The following BRCA1 variants were observed in gnomAD, a reference collection of about 807,000 sequenced individuals.
BRCA1 encodes BRCA1 DNA repair associated.
Under a neutral mutation model 173.7 loss-of-function variants are expected in BRCA1, and 140 were observed. The observed-to-expected ratio is 0.81, with a 90% CI of 0.70 to 0.93. The LOEUF (loss-of-function observed/expected upper bound fraction) is 0.93, where lower values mean the gene tolerates loss of function less well. Ranked by LOEUF, BRCA1 falls within the 40% of genes least tolerant of loss-of-function variation. The pLI, the probability that BRCA1 is intolerant of heterozygous loss-of-function variation, is 0.00. For synonymous variants in BRCA1, 662 were observed against 756.0 expected (o/e 0.88, Z 2.04); for missense variants, 1,983 against 2,172.5 (o/e 0.91, Z 1.73).
intron 1 of BRCA1, chr17:43,138,765 C>T: frequency 1.3e-6 from 1 of 779,074 alleles, no homozygotes; most frequent in Non-Finnish European, 2.4e-6. Context: ...AGAAGTCATC[C>T]TTTCCTCCCC....
chr17:43,061,820 A>C (rs558167701), intron 18 of BRCA1, among the ~76,000 whole-genome samples: 1 of 152,054 alleles, frequency 6.6e-6, no homozygotes, highest in East Asian at 1.9e-4. Flanking sequence ...CCTGACCTCA[A>C]GTGATCCACC....
rs80357303 is a variant in BRCA1, at chr17:43,071,113, T to G, written c.4801A>C (p.Lys1601Gln). The part of the protein sequence containing the change: ...GNIPSSTSAL[K>Q]VPQLKVAESA... The stretch of plus-strand genomic sequence containing the variant: ...TCTGCAACTTTCAATTGGGGAACTT[T>G]CAATGCAGAGGTTGAAGATGGTATG... The change falls in exon 15 of 23, where the codon AAA becomes CAA. Residue 1601 changes from lysine to glutamine, a missense_variant. Coordinates refer to ENST00000357654, the MANE Select transcript of BRCA1 (RefSeq NM_007294.4). 6.2e-7 allele frequency: 1 copy of G among 1,614,220 alleles called. No homozygotes were observed. Among genetic ancestry groups the G allele is most frequent in the Non-Finnish European group, 8.5e-7 (1 of 1,180,044 alleles).
At chr17:43,060,175 G>A (rs1301232701) in intron 18 of BRCA1, among the ~76,000 whole-genome samples, 1 of 152,094 alleles carries the variant, frequency 6.6e-6, no homozygotes, top group Non-Finnish European at 1.5e-5. Context: ...GGTTGATGAA[G>A]TGATTCTCTT....
chr17:43,094,021 GCTTTA>G lies in BRCA1; in HGVS notation c.1505_1509del (p.Leu502SerfsTer2), dbSNP rs876659139. 3.1e-6 allele frequency: 5 copies of G among 1,613,918 alleles called. No individual in the cohort carries two copies. The highest frequency in any genetic ancestry group is 4.2e-6 in the Non-Finnish European group (5 of 1,179,966). On this transcript the variant is annotated frameshift_variant, in exon 10 of 23. Transcript: ENST00000357654. LOFTEE classifies it high-confidence loss of function. ...AGGCCTGATGTAGGTCTCCTTTTAC[GCTTTA>G]ATTTATTTGTGAGGGGACGCTCTTG...
chr17:43,124,930 G>A (rs2055799844), intron 1 of BRCA1: 1 of 317,202 alleles, frequency 3.2e-6, no homozygotes, highest in African/African-American at 2.2e-5. Context: ...ATTTTTAGTA[G>A]AGACGGAGTT....
intron 13 of BRCA1, among the ~76,000 whole-genome samples, chr17:43,075,019 AGAAAGAAG>A (rs1417368864): frequency 1.3e-5 from 2 of 151,228 alleles, no homozygotes; most frequent in Admixed American, 6.6e-5. Context: ...AAGAAAGGAA[AGAAAGAAG>A]GAAAGAAGGA....
Position 43,044,605 on chromosome 17 carries a change from C to T in BRCA1, c.*1073G>A. On this transcript the variant is annotated 3_prime_UTR_variant, in exon 23 of 23. Transcript: ENST00000357654. ...ATTTTATAGATATGAAATATTCATG[C>T]CAGAGGTCTTATATTTTAAGAGGAA... is the stretch of plus-strand genomic sequence containing the variant. 2.0e-6 allele frequency: 1 copy of T among 503,652 alleles called. No individual in the cohort carries two copies. Among genetic ancestry groups the T allele is most frequent in the Non-Finnish European group, 3.9e-6 (1 of 257,064 alleles). 31.2% of individuals were successfully genotyped at this position (503,652 alleles called of 1,614,324 possible).
At chr17:43,140,055 T>G (rs2056064253) in intron 1 of BRCA1, 2 of 395,294 alleles carry the variant, frequency 5.1e-6, no homozygotes, top group Non-Finnish European at 1.0e-5. Flanking sequence ...TAACTATGGT[T>G]GGAAGCTTAG....
chr17:43,125,202 T>C (rs2154579865), intron 1 of BRCA1, 69 bp downstream of exon 1: 1 of 451,142 alleles, frequency 2.2e-6, no homozygotes, highest in Non-Finnish European at 4.4e-6. Context: ...GCTTCGGAAA[T>C]CCACTCTCCC....
At position 43,094,687 on chromosome 17, in the gene BRCA1, A is replaced by G. The variant is rs2054037292; in HGVS notation, c.844T>C (p.Ser282Pro). The G allele has an allele frequency of 6.2e-7, 1 of 1,613,686 alleles. No individual in the cohort carries two copies. Among genetic ancestry groups the G allele is most frequent in the Non-Finnish European group, 8.5e-7 (1 of 1,179,752 alleles). The change falls in exon 10 of 23, where the codon TCA (serine) becomes CCA (proline). Residue 282 changes from serine (S) to proline (P), a missense_variant. Ser to Pro is a moderately conservative substitution (Grantham distance 74). Transcript: ENST00000357654. ...AAACTGCTGTTCTCATGCTGTAATG[A>G]GCTGGCATGAGTATTTGTGCCACAT... ...EPCGTNTHAS[S>P]LQHENSSLLL...
rs776782462 is a variant in BRCA1 at position 43,113,809 on chromosome 17, G to A, written c.134+1917C>T. Among the ~76,000 whole-genome samples the A allele has an allele frequency of 4.6e-5, 7 of 152,044 alleles. No individual in the cohort carries two copies. The South Asian group carries it at 8.3e-4, about 18-fold the overall frequency. ...TGTTAAGAGACAGGGTCAGCCAGGC[G>A]CGGTGGCTTACACCTGTAATCCCAA... On this transcript the variant is annotated intron_variant, in intron 3 of 22. Transcript: ENST00000357654.
chr17:43,100,153 C>A (rs1049787471), intron 6 of BRCA1, among the ~76,000 whole-genome samples: 2 of 151,962 alleles, frequency 1.3e-5, no homozygotes, highest in Admixed American at 6.6e-5. Flanking sequence ...AGAGTGAGAC[C>A]CAGTCTCTAC....
chr17:43,119,117 T>C (rs1223828367), intron 2 of BRCA1: 1 of 214,388 alleles, frequency 4.7e-6, no homozygotes. Flanking sequence ...AAAGAACGAC[T>C]AACCTGGCAG....
upstream of BRCA1, among the ~76,000 whole-genome samples, chr17:43,126,908 C>T (rs1272839769): frequency 2.6e-5 from 4 of 152,094 alleles, no homozygotes; most frequent in South Asian, 2.1e-4. Context: ...CAGGTGGGCG[C>T]GGGCTCAGCG....
Position 43,071,239 on chromosome 17 carries a change from C to T in BRCA1, c.4676-1G>A, listed in dbSNP as rs80358008. On this transcript the variant is annotated splice_acceptor_variant, in intron 14 of 22. Coordinates refer to ENST00000357654, the MANE Select transcript of BRCA1 (RefSeq NM_007294.4). LOFTEE classifies it high-confidence loss of function. ...CCAGATTCCAGGTAAGGGGTTCCCT[C>T]TGAAAGGAATGGGAGAAGTTTAATT... The T allele has an allele frequency of 6.2e-7, 1 of 1,613,790 alleles. No individual in the cohort carries two copies. The highest frequency in any genetic ancestry group is 8.5e-7 in the Non-Finnish European group (1 of 1,179,830).
chr17:43,090,997 C>T lies in BRCA1; in HGVS notation c.4132G>A (p.Val1378Ile), dbSNP rs28897690. The T allele has an allele frequency of 1.0e-4, 164 of 1,612,732 alleles. 1 individual carries two copies. In the Admixed American group the frequency reaches 1.5e-3, roughly 15 times the overall value. Residue 1378 changes from valine (V) to isoleucine (I), a missense_variant, in exon 11 of 23, where the codon GTC becomes ATC. Coordinates refer to ENST00000357654, the MANE Select transcript of BRCA1 (RefSeq NM_007294.4). ...AASGCESETS[V>I]SEDCSGLSSQ... ...GATAGCCCTGAGCAGTCTTCAGAGA[C>T]GCTTGTTTCACTCTCACACCCAGAT...
intron 1 of BRCA1, chr17:43,148,744 C>A: frequency 6.1e-6 from 1 of 165,180 alleles, no homozygotes. Flanking sequence ...ATTGAGGATT[C>A]TTTTTTATCT....
At chr17:43,057,009 T>G (rs770045451) in intron 19 of BRCA1, 43 bp downstream of exon 19, 6 of 1,566,228 alleles carry the variant, frequency 3.8e-6, no homozygotes. Flanking sequence ...GAATACAGAG[T>G]GGTGGGGTGA....
At chr17:43,123,213 A>G (rs1310888275) in intron 2 of BRCA1, among the ~76,000 whole-genome samples, 2 of 151,990 alleles carry the variant, frequency 1.3e-5, no homozygotes, top group South Asian at 2.1e-4. Context: ...GCCTCTCGAC[A>G]GAGATCCTAT....
Sources: allele counts gnomAD v4.1 joint callset (sites outside exome capture counted in the v4.1 genomes callset), GRCh38; gene constraint gnomAD v4.1.1; transcripts MANE v1.5; gene names NCBI Gene and HGNC (gene_info 2026-07-23, HGNC 2026-07-21).